PDE7A: variants seen among roughly 807,000 people sequenced by gnomAD.
PDE7A encodes phosphodiesterase 7A, also known as high affinity 3',5'-cyclic-AMP phosphodiesterase 7A.
A neutral mutation model predicts 64.3 loss-of-function variants in PDE7A; 39 were observed. That is an observed-to-expected ratio of 0.61 (90% confidence interval 0.47 to 0.79). The LOEUF (loss-of-function observed/expected upper bound fraction) is 0.79. Among genes scored for constraint, PDE7A ranks in the 30% least tolerant of loss-of-function variants. The probability of loss-of-function intolerance (pLI) is 0.00; values close to 1 mark genes in which losing one functional copy is unlikely to be tolerated. For missense variants in PDE7A, 470 were observed against 582.8 expected (o/e 0.81, Z 1.99); for synonymous variants, 203 against 206.8 (o/e 0.98, Z 0.16).
At chr8:65,841,186 T>G (rs1350777333) in intron 1 of PDE7A, among the ~76,000 whole-genome samples, 185 bp downstream of exon 1, 3 of 151,920 alleles carry the variant, frequency 2.0e-5, no homozygotes, top group Admixed American at 6.6e-5. Context: ...TTGGGGAGGC[T>G]GGAGAACTGA....
intron 1 of PDE7A, among the ~76,000 whole-genome samples, chr8:65,823,668 A>G (rs957148795): frequency 2.6e-5 from 4 of 152,174 alleles, no homozygotes; most frequent in Non-Finnish European, 4.4e-5. Context: ...TTTACCATAT[A>G]TTAAAAACAT....
intron 7 of PDE7A, among the ~76,000 whole-genome samples, chr8:65,730,341 C>G (rs1563473937): frequency 6.6e-6 from 1 of 151,318 alleles, no homozygotes; most frequent in Non-Finnish European, 1.5e-5. Flanking sequence ...CCACCACAAC[C>G]AGCTAATTTT....
intron 1 of PDE7A, among the ~76,000 whole-genome samples, chr8:65,837,880 C>T (rs1198075045): frequency 2.0e-5 from 3 of 152,250 alleles, no homozygotes; most frequent in East Asian, 1.9e-4. Flanking sequence ...GTCTCCGTGT[C>T]GGCACTCAGA....
intron 1 of PDE7A, among the ~76,000 whole-genome samples, chr8:65,786,532 G>C (rs1249917487): frequency 2.0e-5 from 3 of 152,140 alleles, no homozygotes; most frequent in Non-Finnish European, 4.4e-5. Flanking sequence ...CTCCGTGTTA[G>C]AATCATGTTG....
intron 1 of PDE7A, among the ~76,000 whole-genome samples, chr8:65,830,089 C>A (rs570509794): frequency 1.6e-3 from 244 of 152,208 alleles, no homozygotes; most frequent in African/African-American, 5.7e-3. Flanking sequence ...TCTGCCACTT[C>A]ATAAAAGAAA....
intron 3 of PDE7A, among the ~76,000 whole-genome samples, chr8:65,754,243 G>GC (rs551234597): frequency 5.1e-4 from 78 of 151,804 alleles, no homozygotes; most frequent in Non-Finnish European, 8.5e-4. Flanking sequence ...ATTAGATGGT[G>GC]CCCCCCCGCC....
chr8:65,736,814 G>A (rs1458273722), intron 6 of PDE7A, among the ~76,000 whole-genome samples: 1 of 140,768 alleles, frequency 7.1e-6, no homozygotes. Context: ...TTTTGCCAGA[G>A]TTCTAAGTAG....
At chr8:65,812,472 C>T (rs1051692072) in intron 1 of PDE7A, among the ~76,000 whole-genome samples, 5 of 151,936 alleles carry the variant, frequency 3.3e-5, no homozygotes, top group African/African-American at 1.2e-4. Flanking sequence ...TGTAAAAGAA[C>T]TGTATAAGAA....
At chr8:65,838,046 C>A (rs551014233) in intron 1 of PDE7A, among the ~76,000 whole-genome samples, 9 of 149,946 alleles carry the variant, frequency 6.0e-5, no homozygotes, top group Non-Finnish European at 1.0e-4. Context: ...AAAAAAAAGA[C>A]AAATGATAAC....
chr8:65,746,292 T>G (rs1473810470), intron 4 of PDE7A, among the ~76,000 whole-genome samples: 1 of 152,080 alleles, frequency 6.6e-6, no homozygotes, highest in Non-Finnish European at 1.5e-5. Context: ...AATAACTAAC[T>G]TGCTCAGCTA....
chr8:65,778,755 G>A (rs2128923490), intron 3 of PDE7A, among the ~76,000 whole-genome samples: 1 of 152,258 alleles, frequency 6.6e-6, no homozygotes, highest in Admixed American at 6.5e-5. Flanking sequence ...CAAACTTAAG[G>A]GATGAGTAAC....
intron 5 of PDE7A, among the ~76,000 whole-genome samples, chr8:65,740,309 C>T (rs1291175221): frequency 6.6e-6 from 1 of 152,122 alleles, no homozygotes; most frequent in East Asian, 1.9e-4. Flanking sequence ...GCCTTTTATG[C>T]TCTTCTTAAA....
At chr8:65,777,079 T>C (rs1271670947) in intron 3 of PDE7A, among the ~76,000 whole-genome samples, 3 of 48,650 alleles carry the variant, frequency 6.2e-5, no homozygotes, top group Admixed American at 3.4e-4. Context: ...ATCAAATGCT[T>C]TTTTTTTTTT....
chr8:65,747,722 C>T lies in PDE7A; in HGVS notation c.365G>A (p.Arg122His), dbSNP rs368789851. Residue 122 changes from arginine (R) to histidine (H), a missense_variant, in exon 4 of 13, where the codon CGC becomes CAC. Arg to His is a conservative substitution (Grantham distance 29). Transcript: ENST00000401827. The part of the protein sequence containing the change: ...LSFQRYLRSS[R>H]FFRGTAVSNS... The stretch of plus-strand genomic sequence containing the variant: ...TGAAACCGCAGTACCACGAAAAAAG[C>T]GTGAAGATCTAAGATATCGCTGGAA... The T allele has an allele frequency of 5.6e-6, 9 of 1,610,940 alleles. No individual in the cohort carries two copies. The highest frequency in any genetic ancestry group is 1.7e-5 in the Admixed American group (1 of 59,924).
intron 4 of PDE7A, 138 bp downstream of exon 4, chr8:65,747,514 G>GA (rs1451712157): frequency 4.0e-6 from 2 of 501,100 alleles, no homozygotes; most frequent in East Asian, 3.3e-5. Flanking sequence ...CTGCTCTAAA[G>GA]AAAAAAACCT....
At chr8:65,800,606 G>T (rs1809963502) in intron 1 of PDE7A, among the ~76,000 whole-genome samples, 1 of 152,150 alleles carries the variant, frequency 6.6e-6, no homozygotes, top group Admixed American at 6.6e-5. Context: ...GTGTTCCTCT[G>T]TGTGGGTATT....
intron 1 of PDE7A, among the ~76,000 whole-genome samples, chr8:65,799,813 CA>C (rs1809946693): frequency 6.6e-6 from 1 of 152,140 alleles, no homozygotes; most frequent in Non-Finnish European, 1.5e-5. Context: ...CAGCTAAAAT[CA>C]AAACCTTTAG....
At chr8:65,836,309 G>C (rs1216853775) in intron 1 of PDE7A, among the ~76,000 whole-genome samples, 1 of 152,136 alleles carries the variant, frequency 6.6e-6, no homozygotes, top group East Asian at 1.9e-4. Context: ...TTTCACAAAA[G>C]AGCAAATACA....
At chr8:65,744,241 A>G (rs78379235) in intron 5 of PDE7A, among the ~76,000 whole-genome samples, 3 of 152,192 alleles carry the variant, frequency 2.0e-5, no homozygotes, top group Non-Finnish European at 4.4e-5. Context: ...AAAACAACAA[A>G]AAAAAACAGG....
Sources: allele counts gnomAD v4.1 joint callset (sites outside exome capture counted in the v4.1 genomes callset), GRCh38; gene constraint gnomAD v4.1.1; transcripts MANE v1.5; gene names NCBI Gene and HGNC (gene_info 2026-07-23, HGNC 2026-07-21).